The following CLDN18 variants were observed in gnomAD, a reference collection of about 807,000 sequenced individuals.
The protein encoded by CLDN18 is claudin 18.
A neutral mutation model predicts 25.0 loss-of-function variants in CLDN18; 20 were observed. The observed-to-expected ratio is 0.80, with a 90% CI of 0.56 to 1.16. The LOEUF (loss-of-function observed/expected upper bound fraction) is 1.16. Among genes scored for constraint, CLDN18 ranks in the 50% most tolerant of loss-of-function variants. The pLI is 0.00. For synonymous variants in CLDN18, 125 were observed against 135.6 expected (o/e 0.92, Z 0.54); for missense variants, 297 against 345.4 (o/e 0.86, Z 1.11).
At chr3:138,013,252 C>T (rs1942162467) in intron 1 of CLDN18, among the ~76,000 whole-genome samples, 1 of 152,190 alleles carries the variant, frequency 6.6e-6, no homozygotes, top group Non-Finnish European at 1.5e-5. Flanking sequence ...CCTCCTCCTG[C>T]CTGGAACAGA....
At chr3:138,009,094 T>C (rs560687264), upstream of CLDN18, among the ~76,000 whole-genome samples, 5 of 152,332 alleles carry the variant, frequency 3.3e-5, no homozygotes, top group East Asian at 1.9e-4. Flanking sequence ...TGACCAATTC[T>C]AGTGAAAACT....
chr3:138,012,914 T>C (rs1317219253), intron 1 of CLDN18, among the ~76,000 whole-genome samples: 2 of 152,196 alleles, frequency 1.3e-5, no homozygotes, highest in Admixed American at 1.3e-4. Context: ...TCAGGACAGT[T>C]TTGCTAAGGG....
upstream of CLDN18, among the ~76,000 whole-genome samples, chr3:138,009,312 C>T (rs955284029): frequency 1.1e-4 from 16 of 152,240 alleles, no homozygotes; most frequent in Non-Finnish European, 4.4e-5. Context: ...TTCAGCCCAG[C>T]TAACCCTGGT....
chr3:138,000,152 G>A lies in CLDN18; in HGVS notation c.220+1064G>A, dbSNP rs138952981. Among the ~76,000 whole-genome samples the A allele has an allele frequency of 2.8e-3, 420 of 152,202 alleles. 3 individuals are homozygous for A. The highest frequency in any genetic ancestry group is 9.5e-3 in the African/African-American group (395 of 41,530). ...TTTTATACATTCAACACTTATTTACGGAGAGCTTCCTATAACCTTGGGAAT... is the reference window on the plus strand; with the variant it reads ...TTTTATACATTCAACACTTATTTACAGAGAGCTTCCTATAACCTTGGGAAT... On this transcript the variant is annotated intron_variant, in intron 1 of 4. Transcript: ENST00000343735.
chr3:138,029,144 T>G (rs944327313), intron 3 of CLDN18, among the ~76,000 whole-genome samples: 1 of 152,174 alleles, frequency 6.6e-6, no homozygotes, highest in Non-Finnish European at 1.5e-5. Context: ...TCAGAAATAA[T>G]AACTTGAGAT....
At position 137,999,115 on chromosome 3, in the gene CLDN18, G is replaced by A. The variant is rs376957633; in HGVS notation, c.220+27G>A. On this transcript the variant is annotated intron_variant, in intron 1 of 4. Coordinates refer to the CLDN18 transcript ENST00000343735. ...TAAGGGCCAGGTGTCTGGCTGGCTG[G>A]AGGGAGAGATTGGAGGTGGAGAGGA... 1.7e-4 allele frequency: 279 copies of A among 1,602,774 alleles called. 1 individual carries two copies. The highest frequency in any genetic ancestry group is 9.9e-4 in the Middle Eastern group (6 of 6,056).
exon 1 of CLDN18, chr3:137,999,027 T>C: frequency 1.2e-6 from 2 of 1,614,200 alleles, no homozygotes; most frequent in South Asian, 1.1e-5. Context: ...GGCGCTCCTG[T>C]GTCCGAGAGA....
At chr3:138,003,717 G>A (rs1243891881) in intron 1 of CLDN18, among the ~76,000 whole-genome samples, 1 of 152,062 alleles carries the variant, frequency 6.6e-6, no homozygotes, top group African/African-American at 2.4e-5. Flanking sequence ...AATGTGTAAT[G>A]ATAATAATAA....
At chr3:137,999,045 C>A (rs767502052) in exon 1 of CLDN18, 1 of 1,614,196 alleles carries the variant, frequency 6.2e-7, no homozygotes, top group Non-Finnish European at 8.5e-7. Context: ...AGAGCTCTGG[C>A]TTCACCGAGT....
chr3:138,002,641 T>G (rs577373182), intron 1 of CLDN18, among the ~76,000 whole-genome samples: 1 of 152,210 alleles, frequency 6.6e-6, no homozygotes, highest in Non-Finnish European at 1.5e-5. Flanking sequence ...ATTTTTAAAT[T>G]TCCATTGAGA....
chr3:138,010,493 G>C (rs1942124110), intron 1 of CLDN18, 48 bp downstream of exon 1: 2 of 1,607,568 alleles, frequency 1.2e-6, no homozygotes, highest in Non-Finnish European at 1.7e-6. Flanking sequence ...CAGGTGAGCA[G>C]GGAAGGGGGC....
At chr3:138,020,276 C>T (rs1487457332) in intron 1 of CLDN18, among the ~76,000 whole-genome samples, 1 of 152,146 alleles carries the variant, frequency 6.6e-6, no homozygotes, top group Non-Finnish European at 1.5e-5. Context: ...GACTGTTGAT[C>T]GTTGTTTGTA....
rs1163873138 is a variant in CLDN18, at chr3:138,031,812, TG to T, written c.*673del. On this transcript the variant is annotated 3_prime_UTR_variant, in exon 5 of 5. Transcript: ENST00000183605. ...TCTAGGAGTTTCCTGAGCTCTCCAC[TG>T]GAGTCCTCTTTCTGTCGCGGGTCAG... 2 of 152,228 alleles carry T rather than the reference TG, an allele frequency of 1.3e-5. No individual in the cohort carries two copies. The highest frequency in any genetic ancestry group is 4.8e-5 in the African/African-American group (2 of 41,464). The allele number at this position is 152,228 out of a possible 1,614,324, so 9.4% of individuals were successfully genotyped here.
intron 1 of CLDN18, among the ~76,000 whole-genome samples, chr3:138,019,882 C>G (rs563803447): frequency 1.3e-5 from 2 of 152,190 alleles, no homozygotes; most frequent in Admixed American, 1.3e-4. Flanking sequence ...TCCTGCCCAC[C>G]CTTCAGGTCT....
chr3:138,030,841 G>GC, intron 4 of CLDN18, 129 bp from the exon 5 acceptor site: 1 of 802,352 alleles, frequency 1.2e-6, no homozygotes, highest in South Asian at 1.7e-5. Flanking sequence ...ATCCTGGTTT[G>GC]CCCCGGACTG....
chr3:138,029,580 C>A (rs866348459), intron 3 of CLDN18, among the ~76,000 whole-genome samples: 1 of 152,076 alleles, frequency 6.6e-6, no homozygotes, highest in Non-Finnish European at 1.5e-5. Flanking sequence ...TGCTAGAATC[C>A]CCCTGCTGTT....
At chr3:138,019,891 C>G (rs1384931393) in intron 1 of CLDN18, among the ~76,000 whole-genome samples, 1 of 152,198 alleles carries the variant, frequency 6.6e-6, no homozygotes, top group Non-Finnish European at 1.5e-5. Flanking sequence ...CCCTTCAGGT[C>G]TGATAACACT....
chr3:138,028,174 C>G (rs1942348851), intron 3 of CLDN18, among the ~76,000 whole-genome samples: 4 of 152,112 alleles, frequency 2.6e-5, no homozygotes, highest in African/African-American at 9.7e-5. Context: ...AAGCAATTCT[C>G]CTGCCTCAAC....
At chr3:138,005,725 T>C (rs1942061751), upstream of CLDN18, among the ~76,000 whole-genome samples, 1 of 152,208 alleles carries the variant, frequency 6.6e-6, no homozygotes, top group African/African-American at 2.4e-5. Context: ...ATAAAATTCA[T>C]AGAAAGCAAT....
Sources: gnomAD v4.1 joint callset for allele counts (sites outside exome capture counted in the v4.1 genomes callset) on GRCh38, gnomAD v4.1.1 for gene constraint, MANE v1.5 for transcripts, NCBI Gene and HGNC (gene_info 2026-07-23, HGNC 2026-07-21) for gene names.